SH3BP4: variants seen among roughly 807,000 people sequenced by gnomAD.
SH3BP4 encodes SH3 domain binding protein 4.
Under a neutral mutation model 65.5 loss-of-function variants are expected in SH3BP4, and 33 were observed. That is an observed-to-expected ratio of 0.50 (90% CI 0.38 to 0.67). The LOEUF is 0.67. SH3BP4 is among the 30% of genes least tolerant of loss of function. The pLI is 0.00. For missense variants in SH3BP4, 1,134 were observed against 1,261.4 expected, an observed-to-expected ratio of 0.90 and a Z score of 1.53; for synonymous variants, 552 against 545.5, an observed-to-expected ratio of 1.01 and a Z score of -0.17.
At chr2:234,985,576 C>CATTTTGATTCTCCGCGCACAGGT (rs1693524138) in intron 1 of SH3BP4, among the ~76,000 whole-genome samples, 2 of 152,048 alleles carry the variant, frequency 1.3e-5, no homozygotes, top group South Asian at 4.2e-4. Context: ...TGTGTGCAGG[C>CATTTTGATTCTCCGCGCACAGGT]ATTTTGACTC....
intron 2 of SH3BP4, among the ~76,000 whole-genome samples, chr2:235,022,343 CAG>C (rs1400257437): frequency 1.3e-5 from 2 of 152,140 alleles, no homozygotes; most frequent in East Asian, 3.9e-4. Context: ...CACTTGAGGT[CAG>C]GGGTTTGAGA....
In SH3BP4 at chr2:235,038,384, T is replaced by TAATATAAA. The variant is rs1220502206; in HGVS notation, c.119-2503_119-2502insATATAAAA. On this transcript the variant is annotated intron_variant, in intron 3 of 5. Transcript: ENST00000392011. ...TATATATAATATATATACATATATATATATATATATATATATATATATATA... is the reference window on the plus strand; with the variant it reads ...TATATATAATATATATACATATATATAATATAAAATATATATATATATATATATATATA... Among the ~76,000 whole-genome samples, 5 of 16,508 alleles carry TAATATAAA rather than the reference T, an allele frequency of 3.0e-4. No homozygotes were observed. In the East Asian group the frequency reaches 7.6e-3, roughly 25 times the overall value. The allele number at this position is 16,508 out of a possible 152,430, so 10.8% of individuals were successfully genotyped here. A position where few individuals can be genotyped will look rare whatever the true frequency, so the allele number is the denominator to read the frequency against.
chr2:234,985,398 G>C (rs1693516898), intron 1 of SH3BP4, among the ~76,000 whole-genome samples: 1 of 152,114 alleles, frequency 6.6e-6, no homozygotes, highest in Non-Finnish European at 1.5e-5. Flanking sequence ...TGAATGAAGG[G>C]GAATGAAGTG....
intron 4 of SH3BP4, among the ~76,000 whole-genome samples, chr2:235,047,596 GTC>G (rs1404724744): frequency 6.6e-6 from 1 of 152,234 alleles, no homozygotes; most frequent in Admixed American, 6.5e-5. Context: ...TCGGCACATG[GTC>G]TCTGTTATGG....
chr2:234,958,306 G>C (rs1392664914), intron 1 of SH3BP4, among the ~76,000 whole-genome samples: 6 of 152,154 alleles, frequency 3.9e-5, no homozygotes, highest in African/African-American at 1.2e-4. Context: ...CTTGGAGGCA[G>C]TAAGCATGTG....
At chr2:235,011,290 C>T (rs1174021223) in intron 2 of SH3BP4, among the ~76,000 whole-genome samples, 4 of 152,212 alleles carry the variant, frequency 2.6e-5, no homozygotes, top group Admixed American at 1.3e-4. Context: ...TAGCTTAAAG[C>T]CACGTTCCTT....
rs1424041450 is a variant in SH3BP4, at chr2:235,041,723, C to T, written c.954C>T (p.Asn318=). ...GWGQTQAVET[N]IVCKLDSSGG... is the part of the protein sequence containing the mutation. The stretch of plus-strand genomic sequence containing the variant: ...GCCAGACCCAAGCCGTGGAGACAAA[C>T]ATCGTGTGCAAGCTGGATAGCTCCG... The change falls in exon 4 of 6, where the codon AAC becomes AAT. Residue 318 remains asparagine (N), a synonymous_variant. Transcript: ENST00000392011. The surrounding 1 kb of genome is among the most constrained non-coding windows in gnomAD (Gnocchi z 6.0). The T allele has an allele frequency of 1.2e-6, 2 of 1,611,706 alleles. No homozygotes were observed. The highest frequency in any genetic ancestry group is 1.7e-6 in the Non-Finnish European group (2 of 1,178,620).
At position 234,987,479 on chromosome 2, in the gene SH3BP4, A is replaced by G. The variant is rs77260796; in HGVS notation, c.-206-7824A>G. Among the ~76,000 whole-genome samples, 434 of 152,272 alleles carry G rather than the reference A, an allele frequency of 2.9e-3. 1 individual carries two copies. The highest frequency in any genetic ancestry group is 3.4e-3 in the Middle Eastern group (1 of 294). On this transcript the variant is annotated intron_variant, in intron 1 of 5. Transcript: ENST00000392011. Reference sequence around the variant, plus strand: ...CCCAGGAAAGATGAGTCATTTAGCAAAGGTCGTGGAGCTGGTGTGAGAAAC... The same window carrying G: ...CCCAGGAAAGATGAGTCATTTAGCAGAGGTCGTGGAGCTGGTGTGAGAAAC...
At chr2:235,001,121 T>C (rs1229194899) in intron 2 of SH3BP4, among the ~76,000 whole-genome samples, 2 of 152,254 alleles carry the variant, frequency 1.3e-5, no homozygotes, top group East Asian at 1.9e-4. Flanking sequence ...AGGCTCTGGC[T>C]TGACTTGGGG....
rs372255852 is a variant in SH3BP4, at chr2:235,045,407, C to T, written c.2478+2160C>T. Among the ~76,000 whole-genome samples, 1 of 152,172 alleles carries T rather than the reference C, an allele frequency of 6.6e-6. No individual in the cohort carries two copies. The highest frequency in any genetic ancestry group is 1.9e-4 in the East Asian group (1 of 5,200). On this transcript the variant is annotated intron_variant, in intron 4 of 5. Coordinates refer to ENST00000392011, the MANE Select transcript of SH3BP4 (RefSeq NM_014521.3). This position sits in a 1 kb window ranked among gnomAD's most constrained non-coding sequence, Gnocchi z 4.3. ...TTTCCAAAAGACATAAATGATCAAA[C>T]TCTCTCAATTCGATTGGTGAGCATC...
chr2:235,019,051 G>C (rs989713571), intron 2 of SH3BP4, among the ~76,000 whole-genome samples: 1 of 152,214 alleles, frequency 6.6e-6, no homozygotes, highest in Non-Finnish European at 1.5e-5. Flanking sequence ...AGGGTCCTGG[G>C]GCAGGAACAG....
intron 2 of SH3BP4, among the ~76,000 whole-genome samples, chr2:235,007,744 G>A (rs866057158): frequency 3.3e-4 from 50 of 152,322 alleles, no homozygotes; most frequent in Middle Eastern, 3.4e-3. Context: ...CTGAGCCCGG[G>A]CTGCGGCCAT....
intron 1 of SH3BP4, among the ~76,000 whole-genome samples, chr2:234,969,683 A>G (rs1692929818): frequency 6.6e-6 from 1 of 152,142 alleles, no homozygotes; most frequent in Non-Finnish European, 1.5e-5. Flanking sequence ...GGAGGGTTTT[A>G]TCCCGAGCCT....
intron 2 of SH3BP4, among the ~76,000 whole-genome samples, chr2:235,008,776 C>T (rs760537062): frequency 7.9e-5 from 12 of 152,344 alleles, no homozygotes; most frequent in Non-Finnish European, 1.8e-4. Flanking sequence ...ATTTTATCTC[C>T]ACCTGGTATG....
At chr2:234,954,647 G>C (rs1692547367) in intron 1 of SH3BP4, among the ~76,000 whole-genome samples, 1 of 152,314 alleles carries the variant, frequency 6.6e-6, no homozygotes, top group East Asian at 1.9e-4. Context: ...TGGGCTGCTT[G>C]AATAGACTTT....
chr2:235,042,195 G>A lies in SH3BP4; in HGVS notation c.1426G>A (p.Val476Met). The change falls in exon 4 of 6, where the codon GTG becomes ATG. Residue 476 changes from valine to methionine, a missense_variant. By Grantham distance (21) the Val-to-Met change is conservative (BLOSUM62 1). Transcript: ENST00000392011. This position sits in a 1 kb window ranked among gnomAD's most constrained non-coding sequence, Gnocchi z 7.3. ...GGACTTCATCAATAAAAAAGTCACA[G>A]TGGGTCTCTACGGCCCTAAACACAT... ...VWDFINKKVTVGLYGPKHIHP... is the reference protein window; with the variant it reads ...VWDFINKKVTMGLYGPKHIHP... The A allele has an allele frequency of 6.2e-7, 1 of 1,614,088 alleles. No individual in the cohort carries two copies. The highest frequency in any genetic ancestry group is 1.1e-5 in the South Asian group (1 of 91,076).
At chr2:235,017,460 A>G (rs1348628454) in intron 2 of SH3BP4, among the ~76,000 whole-genome samples, 4 of 151,998 alleles carry the variant, frequency 2.6e-5, no homozygotes. Flanking sequence ...AAAAAAAAAA[A>G]AAAGAAATCC....
intron 1 of SH3BP4, among the ~76,000 whole-genome samples, chr2:234,993,181 G>A (rs553101651): frequency 7.6e-4 from 116 of 152,338 alleles, no homozygotes; most frequent in Middle Eastern, 6.8e-3. Context: ...GAGCCCCGGG[G>A]GTCGGTTTCT....
chr2:234,969,710 C>T (rs1324048872), intron 1 of SH3BP4, among the ~76,000 whole-genome samples: 1 of 152,188 alleles, frequency 6.6e-6, no homozygotes, highest in African/African-American at 2.4e-5. Context: ...GCCCTGCCTC[C>T]TCTGGTGGGC....
Sources: gnomAD v4.1 joint callset for allele counts (sites outside exome capture counted in the v4.1 genomes callset) on GRCh38, gnomAD v4.1.1 for gene constraint, Gnocchi (gnomAD v3.1) non-coding constraint, MANE v1.5 for transcripts, NCBI Gene and HGNC (gene_info 2026-07-23, HGNC 2026-07-21) for gene names.